Variants in KCNV2 observed in about 807,000 individuals in gnomAD.
The protein encoded by KCNV2 is potassium voltage-gated channel subfamily V member 2.
Under a neutral mutation model 37.0 loss-of-function variants are expected in KCNV2, and 65 were observed. That is an observed-to-expected ratio of 1.76 (90% CI 1.44 to 2.16). KCNV2 has a LOEUF of 2.16. Ranked by LOEUF, KCNV2 falls within the 30% of genes most tolerant of loss-of-function variation. KCNV2 has a pLI of 0.00. For synonymous variants in KCNV2, 518 were observed against 328.6 expected (o/e 1.58, Z -6.23); for missense variants, 1,232 against 766.7 (o/e 1.61, Z -7.17).
At chr9:2,721,178 C>G (rs893047438) in intron 1 of KCNV2, among the ~76,000 whole-genome samples, 3 of 152,206 alleles carry the variant, frequency 2.0e-5, no homozygotes, top group East Asian at 1.9e-4. Context: ...TTTGCACATT[C>G]CAACCATCCC....
At chr9:2,722,936 CT>C (rs1819905783) in intron 1 of KCNV2, among the ~76,000 whole-genome samples, 1 of 152,160 alleles carries the variant, frequency 6.6e-6, no homozygotes, top group African/African-American at 2.4e-5. Context: ...CATGCAAACA[CT>C]TCATAAGTTT....
chr9:2,718,931 C>T lies in KCNV2; in HGVS notation c.1192C>T (p.Arg398Cys), dbSNP rs779297718. 7 of 1,609,358 alleles carry T rather than the reference C, an allele frequency of 4.3e-6. No homozygotes were observed. Among genetic ancestry groups the T allele is most frequent in the Admixed American group, 1.7e-5 (1 of 60,032 alleles). The change falls in exon 1 of 2, where the codon CGT becomes TGT. Residue 398 changes from arginine to cysteine, a missense_variant. Transcript: ENST00000382082. ...LKLARHSTGL[R>C]AFGFTLRQCY... is the part of the protein sequence containing the mutation. ...GCTGGCGCGCCACTCCACCGGACTG[C>T]GTGCCTTCGGCTTCACGCTGCGCCA...
rs113246867 is a variant in KCNV2 at position 2,717,602 on chromosome 9, G to T, written c.-138G>T. On this transcript the variant is annotated 5_prime_UTR_variant, in exon 1 of 2. Coordinates refer to ENST00000382082, the MANE Select transcript of KCNV2 (RefSeq NM_133497.4). ...GGGCAGCTCCGGTGGCAATGTCTGA[G>T]CCCCTAGCTGTGCTGGTCCGGGCTG... 106 of 1,099,790 alleles carry T rather than the reference G, an allele frequency of 9.6e-5. No individual in the cohort carries two copies. The African/African-American group carries it at 1.4e-3, about 14-fold the overall frequency. 68.1% of individuals were successfully genotyped at this position (1,099,790 alleles called of 1,614,324 possible). A position where few individuals can be genotyped will look rare whatever the true frequency, so the allele number is the denominator to read the frequency against.
rs563575183 is a variant in KCNV2 at position 2,718,209 on chromosome 9, T to C, written c.470T>C (p.Val157Ala). The stretch of plus-strand genomic sequence containing the variant: ...TACTTCTTCGACCGCGACCCGGCCG[T>C]CTTCCAGCTGGTCTACAATTTCTAC... The part of the protein sequence containing the change: ...DEYFFDRDPA[V>A]FQLVYNFYLS... Residue 157 changes from valine (V) to alanine (A), a missense_variant, in exon 1 of 2, where the codon GTC becomes GCC. Coordinates refer to ENST00000382082, the MANE Select transcript of KCNV2 (RefSeq NM_133497.4). The C allele has an allele frequency of 2.5e-6, 4 of 1,613,504 alleles. No homozygotes were observed. In the South Asian group the frequency reaches 4.4e-5, roughly 18 times the overall value.
At position 2,729,106 on chromosome 9, in the gene KCNV2, G is replaced by T. The variant is rs942492364; in HGVS notation, c.1357-340G>T. ...GAGGCAAAGATCATTTACTGAGCAC[G>T]TTCTACATCAGGTACTTAACATACT... On this transcript the variant is annotated intron_variant, in intron 1 of 1. Coordinates refer to ENST00000382082, the MANE Select transcript of KCNV2 (RefSeq NM_133497.4). Among the ~76,000 whole-genome samples, 7 of 152,262 alleles carry T rather than the reference G, an allele frequency of 4.6e-5. No homozygotes were observed. In the East Asian group the frequency reaches 9.7e-4, roughly 21 times the overall value.
intron 1 of KCNV2, among the ~76,000 whole-genome samples, chr9:2,721,385 A>G (rs1017540668): frequency 6.6e-6 from 1 of 152,206 alleles, no homozygotes; most frequent in Non-Finnish European, 1.5e-5. Context: ...CTATGTTATT[A>G]ATCCAGTTCT....
intron 1 of KCNV2, among the ~76,000 whole-genome samples, chr9:2,719,363 A>G (rs1477812049): frequency 6.6e-6 from 1 of 152,230 alleles, no homozygotes; most frequent in East Asian, 1.9e-4. Context: ...GACAGGTTTT[A>G]AAGAAGATGC....
At chr9:2,729,300 GTACCTCC>G in intron 1 of KCNV2, 139 bp from the exon 2 acceptor site, 1 of 821,434 alleles carries the variant, frequency 1.2e-6, no homozygotes, top group Non-Finnish European at 2.0e-6. Context: ...AGTCTTCCTG[GTACCTCC>G]TAAAGCAGGC....
intron 1 of KCNV2, among the ~76,000 whole-genome samples, chr9:2,724,079 G>T (rs1185376001): frequency 6.6e-6 from 1 of 150,936 alleles, no homozygotes; most frequent in Non-Finnish European, 1.5e-5. Context: ...AGAGTAAGTA[G>T]ACTTTGAATG....
intron 1 of KCNV2, among the ~76,000 whole-genome samples, chr9:2,724,754 C>T (rs1468059097): frequency 6.6e-6 from 1 of 152,190 alleles, no homozygotes; most frequent in Non-Finnish European, 1.5e-5. Flanking sequence ...GTCCTCATAC[C>T]ATCTTCCAGT....
rs1033971502 is a variant in KCNV2, at chr9:2,717,578, G to T, written c.-162G>T. ...CTGGCCTGCCCAGGACCTGAGAAGG[G>T]GCAGCTCCGGTGGCAATGTCTGAGC... On this transcript the variant is annotated 5_prime_UTR_variant, in exon 1 of 2. Coordinates refer to ENST00000382082, the MANE Select transcript of KCNV2 (RefSeq NM_133497.4). 2.0e-5 allele frequency: 17 copies of T among 847,850 alleles called. No homozygotes were observed. The highest frequency in any genetic ancestry group is 5.0e-5 in the African/African-American group (3 of 59,594). The allele number at this position is 847,850 out of a possible 1,614,324, so 52.5% of individuals were successfully genotyped here.
intron 1 of KCNV2, among the ~76,000 whole-genome samples, chr9:2,725,680 C>CT (rs1819958211): frequency 1.3e-5 from 2 of 152,208 alleles, no homozygotes; most frequent in Admixed American, 6.5e-5. Flanking sequence ...TTCACCACCT[C>CT]TAATTCCTTT....
intron 1 of KCNV2, among the ~76,000 whole-genome samples, chr9:2,727,310 C>G (rs1292183715): frequency 6.6e-6 from 1 of 151,796 alleles, no homozygotes; most frequent in African/African-American, 2.4e-5. Context: ...GGAGGGGTAG[C>G]ATTTGGAGAT....
In KCNV2 at chr9:2,717,702, G is replaced by C; in HGVS notation, c.-38G>C. 6.2e-7 allele frequency: 1 copy of C among 1,613,924 alleles called. No homozygotes were observed. Among genetic ancestry groups the C allele is most frequent in the Middle Eastern group, 1.7e-4 (1 of 6,060 alleles). On this transcript the variant is annotated 5_prime_UTR_variant, in exon 1 of 2. Transcript: ENST00000382082. ...GAGCAGGTGAGGGACCCCTACCACA[G>C]CCAGGAGGAAAAAGCTAGGCGTCCA...
At position 2,717,685 on chromosome 9, in the gene KCNV2, G is replaced by T. The variant is rs1301200142; in HGVS notation, c.-55G>T. ...ATCCTCCTAGAGGCAGTGAGCAGGT[G>T]AGGGACCCCTACCACAGCCAGGAGG... On this transcript the variant is annotated 5_prime_UTR_variant, in exon 1 of 2. Transcript: ENST00000382082. The T allele has an allele frequency of 8.1e-6, 13 of 1,611,830 alleles. No homozygotes were observed. Among genetic ancestry groups the T allele is most frequent in the Non-Finnish European group, 1.1e-5 (13 of 1,178,528 alleles).
chr9:2,719,241 G>C (rs185916266), intron 1 of KCNV2, 146 bp downstream of exon 1: 1 of 824,398 alleles, frequency 1.2e-6, no homozygotes, highest in East Asian at 2.7e-5. Flanking sequence ...CTAACAAAAC[G>C]GCGATGGATG....
In KCNV2 at chr9:2,717,889, C is replaced by T; in HGVS notation, c.150C>T (p.Asn50=). The change falls in exon 1 of 2, where the codon AAC becomes AAT. Residue 50 remains asparagine (N), a synonymous_variant. Transcript: ENST00000382082. ...GCATCCACGGCTGGACAGAGGGCAACTATAACTACTACATCGAGGAAGACG... is the reference window on the plus strand; with the variant it reads ...GCATCCACGGCTGGACAGAGGGCAATTATAACTACTACATCGAGGAAGACG... ...QASIHGWTEG[N]YNYYIEEDED... 1.9e-6 allele frequency: 3 copies of T among 1,614,200 alleles called. No homozygotes were observed. Among genetic ancestry groups the T allele is most frequent in the Non-Finnish European group, 2.5e-6 (3 of 1,180,018 alleles).
chr9:2,724,848 T>G (rs141446171), intron 1 of KCNV2, among the ~76,000 whole-genome samples: 2 of 152,290 alleles, frequency 1.3e-5, no homozygotes, highest in African/African-American at 4.8e-5. Context: ...TCTGGAATTA[T>G]AAAATAAAAT....
rs1240181986 is a variant in KCNV2, at chr9:2,718,489, G to T, written c.750G>T (p.Met250Ile). The T allele has an allele frequency of 3.7e-6, 6 of 1,610,750 alleles. No homozygotes were observed. The highest frequency in any genetic ancestry group is 5.1e-6 in the Non-Finnish European group (6 of 1,179,222). ...AGCGGCGCCGCCTCTGGAACCTCAT[G>T]GAGAAGCCATTCTCCTCGGTGGCCG... Reference protein sequence around the residue: ...GPQRRRLWNLMEKPFSSVAAK... With the variant: ...GPQRRRLWNLIEKPFSSVAAK... The change falls in exon 1 of 2, where the codon ATG becomes ATT. Residue 250 changes from methionine to isoleucine, a missense_variant. Physicochemically the swap from Met to Ile is conservative, Grantham distance 10. Coordinates refer to ENST00000382082, the MANE Select transcript of KCNV2 (RefSeq NM_133497.4).
Sources: allele counts gnomAD v4.1 joint callset (sites outside exome capture counted in the v4.1 genomes callset), GRCh38; gene constraint gnomAD v4.1.1; transcripts MANE v1.5; gene names NCBI Gene and HGNC (gene_info 2026-07-23, HGNC 2026-07-21).